GJE1: variants seen among roughly 807,000 people sequenced by gnomAD.
GJE1 encodes gap junction epsilon-1 protein.
Under a neutral mutation model 6.2 loss-of-function variants are expected in GJE1, and 9 were observed. That is an observed-to-expected ratio of 1.45 (90% CI 0.87 to 2.52). The LOEUF is 2.52. GJE1 is among the 30% of genes most tolerant of loss of function. The pLI, the probability that GJE1 is intolerant of heterozygous loss-of-function variation, is 0.00. For synonymous variants in GJE1, 65 were observed against 30.1 expected, an observed-to-expected ratio of 2.16 and a Z score of -3.80; for missense variants, 190 against 87.7, an observed-to-expected ratio of 2.17 and a Z score of -4.66.
chr6:142,133,289 C>T, intron 1 of GJE1, 92 bp downstream of exon 1: 1 of 518,342 alleles, frequency 1.9e-6, no homozygotes, highest in Non-Finnish European at 3.5e-6. Context: ...AAATTCTCTA[C>T]ATCTATGGAG....
exon 3 of GJE1, chr6:142,134,846 C>A (rs1209806893): frequency 3.1e-6 from 2 of 648,274 alleles, no homozygotes; most frequent in Admixed American, 5.5e-5. Context: ...ACATTTACAA[C>A]AATTACAATT....
chr6:142,134,799 A>G, exon 3 of GJE1: 1 of 683,748 alleles, frequency 1.5e-6, no homozygotes, highest in Non-Finnish European at 2.6e-6. Flanking sequence ...TGGTTCCAGA[A>G]CACTTTGAAA....
chr6:142,134,915 G>C (rs763113641), exon 3 of GJE1: 3 of 553,236 alleles, frequency 5.4e-6, no homozygotes, highest in Non-Finnish European at 9.5e-6. Flanking sequence ...TTTCCATTCA[G>C]ACAATGACCA....
At chr6:142,134,833 A>T in exon 3 of GJE1, 1 of 666,788 alleles carries the variant, frequency 1.5e-6, no homozygotes, top group South Asian at 1.7e-5. Context: ...CATTGCAATA[A>T]ATACATTTAC....
chr6:142,135,178 A>G (rs911570461), downstream of GJE1: 3 of 198,032 alleles, frequency 1.5e-5, no homozygotes, highest in Admixed American at 5.9e-5. Flanking sequence ...GAGTTCTCTC[A>G]CATACATGTT....
intron 1 of GJE1, 108 bp downstream of exon 1, chr6:142,133,305 T>C: frequency 4.3e-6 from 2 of 462,722 alleles, no homozygotes; most frequent in East Asian, 6.3e-5. Flanking sequence ...TGGAGAATAC[T>C]GTTAAGTGTC....
At position 142,134,746 on chromosome 6, in the gene GJE1, T is replaced by G. The variant is rs1582863980; in HGVS notation, c.442T>G (p.Cys148Gly). ...TTTCCAAGTAAAATCTCTTTACCTG[T>G]GTGATGCTAGATCTCTTGGGGAAAA... The change falls in exon 3 of 3, where the codon TGT (cysteine) becomes GGT (glycine). Residue 148 changes from cysteine to glycine, a missense_variant. Transcript: ENST00000450456. The G allele has an allele frequency of 1.4e-5, 10 of 691,394 alleles. No individual in the cohort carries two copies. The East Asian group carries it at 2.7e-4, about 19-fold the overall frequency. 42.8% of individuals were successfully genotyped at this position (691,394 alleles called of 1,614,324 possible).
chr6:142,134,653 A>G (rs978201121), exon 3 of GJE1: 35 of 695,752 alleles, frequency 5.0e-5, no homozygotes, highest in Middle Eastern at 2.3e-4. Context: ...TATAATTTAT[A>G]TACTCTCTGT....
chr6:142,133,040 G>T, upstream of GJE1: 4 of 497,690 alleles, frequency 8.0e-6, no homozygotes, highest in Non-Finnish European at 1.4e-5. Flanking sequence ...TTGTAGTGAT[G>T]AGTGTTTTCT....
intron 1 of GJE1, among the ~76,000 whole-genome samples, 192 bp from the exon 2 acceptor site, chr6:142,133,658 T>G (rs1778187874): frequency 6.6e-6 from 1 of 152,192 alleles, no homozygotes; most frequent in East Asian, 1.9e-4. Context: ...TATCAACTAT[T>G]GCTTTTCATA....
chr6:142,135,096 T>C, exon 3 of GJE1: 1 of 345,736 alleles, frequency 2.9e-6, no homozygotes, highest in Non-Finnish European at 5.2e-6. Context: ...TATTTCATTT[T>C]AATTTTGATC....
At chr6:142,134,791 G>T (rs1478905243) in exon 3 of GJE1, 4 of 684,696 alleles carry the variant, frequency 5.8e-6, no homozygotes, top group Non-Finnish European at 1.1e-5. Flanking sequence ...AAGATGCATG[G>T]TTCCAGAACA....
chr6:142,134,953 T>A lies in GJE1; in HGVS notation c.*31T>A, dbSNP rs192255595. On this transcript the variant is annotated 3_prime_UTR_variant, in exon 3 of 3. Transcript: ENST00000450456. Reference sequence around the variant, plus strand: ...TAATTACCTATTGTCATGCTGCAGTTATTTATCATTTTTATTTAGTTTTAT... The same window carrying A: ...TAATTACCTATTGTCATGCTGCAGTAATTTATCATTTTTATTTAGTTTTAT... 29 of 509,100 alleles carry A rather than the reference T, an allele frequency of 5.7e-5. No homozygotes were observed. The East Asian group carries it at 7.5e-4, about 13-fold the overall frequency. The allele number at this position is 509,100 out of a possible 1,614,324, so 31.5% of individuals were successfully genotyped here.
chr6:142,134,834 A>G (rs1286382027), exon 3 of GJE1: 2 of 666,064 alleles, frequency 3.0e-6, no homozygotes, highest in Non-Finnish European at 5.4e-6. Flanking sequence ...ATTGCAATAA[A>G]TACATTTACA....
chr6:142,133,101 C>A lies in GJE1; in HGVS notation c.-58C>A. 1.6e-6 allele frequency: 1 copy of A among 614,704 alleles called. No individual in the cohort carries two copies. 38.1% of individuals were successfully genotyped at this position (614,704 alleles called of 1,614,324 possible). A position where few individuals can be genotyped will look rare whatever the true frequency, so the allele number is the denominator to read the frequency against. ...AGAGTTTGATTCTGGCAGAAGCAAA[C>A]TGGCAATGTGGGTCAAGAATTAACC... is the stretch of plus-strand genomic sequence containing the variant. On this transcript the variant is annotated 5_prime_UTR_variant, in exon 1 of 3. The change creates a new upstream start codon in the 5' untranslated region. Transcript: ENST00000450456.
chr6:142,133,618 A>G (rs1778187200), intron 1 of GJE1, among the ~76,000 whole-genome samples: 2 of 152,184 alleles, frequency 1.3e-5, no homozygotes, highest in African/African-American at 4.8e-5. Flanking sequence ...AATATTTCCA[A>G]AATTACACAT....
exon 2 of GJE1, chr6:142,133,850 G>A (rs895600249): frequency 1.0e-5 from 7 of 673,790 alleles, no homozygotes; most frequent in African/African-American, 8.8e-5. Flanking sequence ...ACCATAACAG[G>A]TTAAACCTCC....
chr6:142,135,184 A>G (rs1036280178), downstream of GJE1: 5 of 188,182 alleles, frequency 2.7e-5, no homozygotes, highest in Non-Finnish European at 5.4e-5. Flanking sequence ...TCTCACATAC[A>G]TGTTAATTGA....
chr6:142,133,485 G>C (rs1194831260), intron 1 of GJE1, among the ~76,000 whole-genome samples: 2 of 152,144 alleles, frequency 1.3e-5, no homozygotes, highest in Non-Finnish European at 2.9e-5. Flanking sequence ...TGTTAAGATA[G>C]TGTACGGACT....
Sources: gnomAD v4.1 joint callset for allele counts (sites outside exome capture counted in the v4.1 genomes callset) on GRCh38, gnomAD v4.1.1 for gene constraint, MANE v1.5 for transcripts, NCBI Gene and HGNC (gene_info 2026-07-23, HGNC 2026-07-21) for gene names.